STRAP: variants seen among roughly 807,000 people sequenced by gnomAD.
STRAP encodes serine/threonine kinase receptor associated protein, also known as serine-threonine kinase receptor-associated protein.
A neutral mutation model predicts 47.0 loss-of-function variants in STRAP; 16 were observed. The observed-to-expected ratio is 0.34, with a 90% confidence interval of 0.23 to 0.52. STRAP has a LOEUF of 0.52. STRAP is among the 20% of genes least tolerant of loss of function. The pLI is 0.96. For synonymous variants in STRAP, 130 were observed against 142.7 expected (o/e 0.91, Z 0.63); for missense variants, 293 against 420.0 (o/e 0.70, Z 2.64).
Position 15,902,894 on chromosome 12 carries a change from T to TC in STRAP, c.992-23_992-22insC, listed in dbSNP as rs1031890134. ...AAGTTGACTAATGTGACTTTTTTTT[T>TC]TTTTTTTTTTTTTTACTTATAGAAG... On this transcript the variant is annotated intron_variant, in intron 9 of 9. Transcript: ENST00000419869. 8.5e-6 allele frequency: 12 copies of TC among 1,404,356 alleles called. No homozygotes were observed. The African/African-American group carries it at 1.8e-4, about 21-fold the overall frequency. 87.0% of individuals were successfully genotyped at this position (1,404,356 alleles called of 1,614,324 possible).
intron 7 of STRAP, 176 bp downstream of exon 7, chr12:15,898,194 C>T: frequency 2.4e-6 from 1 of 412,458 alleles, no homozygotes. Context: ...CCATTTGGGT[C>T]AGATGCTTTT....
intron 9 of STRAP, among the ~76,000 whole-genome samples, chr12:15,902,221 C>T (rs1948109824): frequency 6.6e-6 from 1 of 152,206 alleles, no homozygotes; most frequent in Admixed American, 6.5e-5. Context: ...ATCTGCCCAC[C>T]TCGGCCTCCC....
intron 1 of STRAP, chr12:15,883,242 A>C: frequency 8.7e-7 from 1 of 1,146,142 alleles, no homozygotes; most frequent in Non-Finnish European, 1.2e-6. Flanking sequence ...CATTTTTCAA[A>C]TGGGAAACTG....
Position 15,883,630 on chromosome 12 carries a change from A to C in STRAP, c.202A>C (p.Asn68His). The change falls in exon 2 of 10, where the codon AAT (asparagine) becomes CAT (histidine). Residue 68 changes from asparagine to histidine, a missense_variant. Asn to His is a moderately conservative substitution (Grantham distance 68). Coordinates refer to ENST00000419869, the MANE Select transcript of STRAP (RefSeq NM_007178.4). Reference protein sequence around the residue: ...HKGAVWGATLNKDATKAATAA... With the variant: ...HKGAVWGATLHKDATKAATAA... ...AGGTGCTGTTTGGGGTGCAACACTG[A>C]ATAAGGATGCCACCAAAGCAGCTAC... 1 of 1,614,212 alleles carries C rather than the reference A, an allele frequency of 6.2e-7. No individual in the cohort carries two copies. Among genetic ancestry groups the C allele is most frequent in the Non-Finnish European group, 8.5e-7 (1 of 1,180,032 alleles).
At chr12:15,897,140 A>G (rs1389942325) in intron 6 of STRAP, among the ~76,000 whole-genome samples, 1 of 152,208 alleles carries the variant, frequency 6.6e-6, no homozygotes, top group African/African-American at 2.4e-5. Flanking sequence ...ATCCTGCATA[A>G]GTCATGACTA....
chr12:15,889,344 T>A (rs1429407464), intron 2 of STRAP, among the ~76,000 whole-genome samples: 1 of 152,166 alleles, frequency 6.6e-6, no homozygotes, highest in Non-Finnish European at 1.5e-5. Flanking sequence ...TGGGGGAAGT[T>A]AACTGTACTA....
In STRAP at chr12:15,882,547, C is replaced by T; in HGVS notation, c.-161C>T. 1 of 628,964 alleles carries T rather than the reference C, an allele frequency of 1.6e-6. No homozygotes were observed. Among genetic ancestry groups the T allele is most frequent in the Non-Finnish European group, 2.8e-6 (1 of 356,154 alleles). The allele number at this position is 628,964 out of a possible 1,614,324, so 39.0% of individuals were successfully genotyped here. On this transcript the variant is annotated 5_prime_UTR_variant, in exon 1 of 10. Coordinates refer to ENST00000419869, the MANE Select transcript of STRAP (RefSeq NM_007178.4). The stretch of plus-strand genomic sequence containing the variant: ...CTCCCTGACCCCTCCCTCACCCCTC[C>T]CTAACCTCGGTGCCACCGGATTGCC...
chr12:15,899,626 C>A (rs995657958), intron 7 of STRAP, among the ~76,000 whole-genome samples: 24 of 152,114 alleles, frequency 1.6e-4, no homozygotes, highest in Admixed American at 1.4e-3. Flanking sequence ...TCATTTACCT[C>A]TTTTTCTCCA....
rs1947930193 is a variant in STRAP at position 15,882,544 on chromosome 12, CT to C, written c.-163del. 4.8e-6 allele frequency: 3 copies of C among 620,712 alleles called. No individual in the cohort carries two copies. The highest frequency in any genetic ancestry group is 2.8e-5 in the Admixed American group (1 of 35,734). 38.5% of individuals were successfully genotyped at this position (620,712 alleles called of 1,614,324 possible). A position where few individuals can be genotyped will look rare whatever the true frequency, so the allele number is the denominator to read the frequency against. On this transcript the variant is annotated 5_prime_UTR_variant, in exon 1 of 10. Coordinates refer to ENST00000419869, the MANE Select transcript of STRAP (RefSeq NM_007178.4). ...AGACTCCCTGACCCCTCCCTCACCC[CT>C]CCCTAACCTCGGTGCCACCGGATTG...
intron 2 of STRAP, among the ~76,000 whole-genome samples, chr12:15,886,471 C>T (rs1378708344): frequency 6.6e-6 from 1 of 152,184 alleles, no homozygotes; most frequent in Non-Finnish European, 1.5e-5. Context: ...GCTTTCATAT[C>T]TGTAAAATGG....
intron 2 of STRAP, among the ~76,000 whole-genome samples, chr12:15,886,249 G>GCT (rs1947972020): frequency 6.6e-6 from 1 of 151,634 alleles, no homozygotes; most frequent in Non-Finnish European, 1.5e-5. Context: ...GAGTGCAGTG[G>GCT]CGTGATCATA....
At chr12:15,888,045 T>C (rs534295983) in intron 2 of STRAP, among the ~76,000 whole-genome samples, 1 of 152,276 alleles carries the variant, frequency 6.6e-6, no homozygotes, top group Admixed American at 6.5e-5. Flanking sequence ...CATTTCACTG[T>C]GATTAAGGAT....
intron 6 of STRAP, 119 bp downstream of exon 6, chr12:15,895,615 G>T: frequency 1.9e-6 from 2 of 1,077,038 alleles, no homozygotes; most frequent in Non-Finnish European, 2.6e-6. Context: ...GGTGGCTTAT[G>T]CCTATAATCG....
At chr12:15,901,887 C>T (rs548283215) in intron 9 of STRAP, among the ~76,000 whole-genome samples, 178 of 148,480 alleles carry the variant, frequency 1.2e-3, no homozygotes, top group African/African-American at 4.3e-3. Flanking sequence ...AAAAGGTTGC[C>T]TTGGCTGTTG....
In STRAP at chr12:15,903,291, T is replaced by C. The variant is rs1403364098; in HGVS notation, c.*313T>C. 2 of 208,610 alleles carry C rather than the reference T, an allele frequency of 9.6e-6. No homozygotes were observed. The highest frequency in any genetic ancestry group is 1.9e-5 in the Non-Finnish European group (2 of 106,894). The allele number at this position is 208,610 out of a possible 1,614,324, so 12.9% of individuals were successfully genotyped here. A position where few individuals can be genotyped will look rare whatever the true frequency, so the allele number is the denominator to read the frequency against. On this transcript the variant is annotated 3_prime_UTR_variant, in exon 10 of 10. Transcript: ENST00000419869. ...GTTCTTGTAGCTGTTTATGTTAATA[T>C]GGAGAAGAAAACTATATTGGCTGAT...
At chr12:15,897,826 A>G in intron 6 of STRAP, 56 bp from the exon 7 acceptor site, 2 of 1,285,956 alleles carry the variant, frequency 1.6e-6, no homozygotes. Context: ...TTCAAATGTA[A>G]CTCGTTATTT....
At chr12:15,898,266 G>A (rs1472200761) in intron 7 of STRAP, 2 of 238,348 alleles carry the variant, frequency 8.4e-6, no homozygotes, top group Non-Finnish European at 1.6e-5. Flanking sequence ...TCATTATGCT[G>A]ATGTTATGTA....
chr12:15,891,274 T>C (rs1295999839), intron 4 of STRAP, among the ~76,000 whole-genome samples: 3 of 152,232 alleles, frequency 2.0e-5, no homozygotes, highest in Non-Finnish European at 4.4e-5. Context: ...TACTATTTTT[T>C]GGTAAGAAAG....
intron 9 of STRAP, 148 bp from the exon 10 acceptor site, chr12:15,902,769 T>C: frequency 1.1e-6 from 1 of 869,676 alleles, no homozygotes. Flanking sequence ...GTTAGTGGCA[T>C]GTGCAGTTGC....
Sources: allele counts gnomAD v4.1 joint callset (sites outside exome capture counted in the v4.1 genomes callset), GRCh38; gene constraint gnomAD v4.1.1; transcripts MANE v1.5; gene names NCBI Gene and HGNC (gene_info 2026-07-23, HGNC 2026-07-21).